The following SLC12A6 variants were observed in gnomAD, a reference collection of about 807,000 sequenced individuals.
SLC12A6 encodes K-Cl cotransporter 3.
Under a neutral mutation model 135.3 loss-of-function variants are expected in SLC12A6, and 66 were observed. The observed-to-expected ratio is 0.49, with a 90% CI of 0.40 to 0.60. The LOEUF is 0.60. Ranked by LOEUF, SLC12A6 falls within the 20% of genes least tolerant of loss-of-function variation. The pLI is 0.00. For synonymous variants in SLC12A6, 513 were observed against 508.8 expected, an observed-to-expected ratio of 1.01 and a Z score of -0.11; for missense variants, 1,058 against 1,452.3, an observed-to-expected ratio of 0.73 and a Z score of 4.41.
chr15:34,237,399 C>T lies in SLC12A6; in HGVS notation c.2934+20G>A. On this transcript the variant is annotated intron_variant, in intron 22 of 25. Coordinates refer to ENST00000354181, the MANE Select transcript of SLC12A6 (RefSeq NM_001365088.1). ...GAATGGGGGAATGAACCTCTTGTAT[C>T]TCAAACTCAGCTTTCTCACCATCTC... is the stretch of plus-strand genomic sequence containing the variant. The T allele has an allele frequency of 6.2e-7, 1 of 1,605,104 alleles. No individual in the cohort carries two copies. Among genetic ancestry groups the T allele is most frequent in the Non-Finnish European group, 8.5e-7 (1 of 1,174,046 alleles).
chr15:34,282,581 C>T lies in SLC12A6; in HGVS notation c.272-7192G>A, dbSNP rs146935729. 1.4e-3 allele frequency among the ~76,000 whole-genome samples: 210 copies of T among 152,116 alleles called. 1 individual carries two copies. Among genetic ancestry groups the T allele is most frequent in the Middle Eastern group, 3.4e-3 (1 of 294 alleles). On this transcript the variant is annotated intron_variant, in intron 2 of 25. Transcript: ENST00000354181. Reference sequence around the variant, plus strand: ...CAGCCTGGGCAACATAGCAAGACCCCATCTCTTAAAAAAGAAATAAAATTA... The same window carrying T: ...CAGCCTGGGCAACATAGCAAGACCCTATCTCTTAAAAAAGAAATAAAATTA...
Position 34,255,306 on chromosome 15 carries a change from A to G in SLC12A6, c.832T>C (p.Phe278Leu). ...VGLCFYLGTT[F>L]AAAMYILGAI... ...CCAAGGATGTACATGGCTGCTGCAA[A>G]TGTGGTACCAAGATAAAAGCAGAGG... Residue 278 changes from phenylalanine to leucine, a missense_variant, in exon 8 of 26, where the codon TTT becomes CTT. Phe to Leu is a conservative substitution (Grantham distance 22). Transcript: ENST00000354181. The G allele has an allele frequency of 3.7e-6, 6 of 1,611,040 alleles. No homozygotes were observed. Among genetic ancestry groups the G allele is most frequent in the Non-Finnish European group, 5.1e-6 (6 of 1,177,144 alleles).
intron 4 of SLC12A6, 26 bp from the exon 5 acceptor site, chr15:34,258,970 A>G (rs1374264805): frequency 1.3e-6 from 2 of 1,588,078 alleles, no homozygotes; most frequent in South Asian, 2.2e-5. Flanking sequence ...CATGGAAGAA[A>G]TGAGCTACAA....
At chr15:34,278,533 C>A (rs1206867149) in intron 2 of SLC12A6, among the ~76,000 whole-genome samples, 2 of 152,180 alleles carry the variant, frequency 1.3e-5, no homozygotes, top group Non-Finnish European at 2.9e-5. Flanking sequence ...CAGGAGTCTT[C>A]CTTTGAACAC....
intron 2 of SLC12A6, among the ~76,000 whole-genome samples, chr15:34,326,752 C>T (rs1386308158): frequency 6.8e-6 from 1 of 148,094 alleles, no homozygotes; most frequent in Non-Finnish European, 1.5e-5. Context: ...AGTGCAGTGG[C>T]ATGATCATGG....
At chr15:34,261,883 GAAATGCTT>G (rs1566822121) in intron 3 of SLC12A6, among the ~76,000 whole-genome samples, 1 of 152,194 alleles carries the variant, frequency 6.6e-6, no homozygotes, top group Non-Finnish European at 1.5e-5. Flanking sequence ...TGGAGAAAAA[GAAATGCTT>G]ATACACTGCT....
intron 2 of SLC12A6, among the ~76,000 whole-genome samples, chr15:34,323,890 C>G (rs1889287512): frequency 6.6e-6 from 1 of 150,948 alleles, no homozygotes; most frequent in South Asian, 2.1e-4. Flanking sequence ...GCAATGAGCC[C>G]TAATTGTGCC....
chr15:34,320,671 C>T (rs145812482), intron 2 of SLC12A6, among the ~76,000 whole-genome samples: 3 of 149,938 alleles, frequency 2.0e-5, no homozygotes, highest in Non-Finnish European at 4.4e-5. Context: ...AATCCCAGCA[C>T]TTTGGGAGGC....
Position 34,326,909 on chromosome 15 carries a change from T to C in SLC12A6, c.271+9501A>G, listed in dbSNP as rs1442255958. Among the ~76,000 whole-genome samples the C allele has an allele frequency of 2.7e-5, 4 of 148,222 alleles. No individual in the cohort carries two copies. The East Asian group carries it at 7.9e-4, about 29-fold the overall frequency. The stretch of plus-strand genomic sequence containing the variant: ...TTTGTAGAGATGAGGTTTCACTATG[T>C]TGCCCAGGCTAGCAATTATGTCTTA... On this transcript the variant is annotated intron_variant, in intron 2 of 25. Transcript: ENST00000354181.
At chr15:34,319,955 C>A (rs893080203) in intron 2 of SLC12A6, among the ~76,000 whole-genome samples, 1 of 151,560 alleles carries the variant, frequency 6.6e-6, no homozygotes, top group Admixed American at 6.6e-5. Flanking sequence ...AAATAACATA[C>A]TTAATTCTTG....
intron 2 of SLC12A6, among the ~76,000 whole-genome samples, chr15:34,313,600 A>C (rs991407862): frequency 1.3e-5 from 2 of 152,220 alleles, no homozygotes; most frequent in Non-Finnish European, 2.9e-5. Context: ...ATCAATGATG[A>C]AGGTGGCTTC....
rs753271582 is a variant in SLC12A6 at position 34,240,774 on chromosome 15, G to A, written c.2323C>T (p.Arg775Cys). Reference sequence around the variant, plus strand: ...AGCTGTGAGGCAAAGGTGAGGAGGCGAGGATGCTTGACATGTAAGTCTTCA... The same window carrying A: ...AGCTGTGAGGCAAAGGTGAGGAGGCAAGGATGCTTGACATGTAAGTCTTCA... ...LDEDLHVKHP[R>C]LLTFASQLKA... The change falls in exon 19 of 26, where the codon CGC becomes TGC. Residue 775 changes from arginine to cysteine, a missense_variant. Coordinates refer to ENST00000354181, the MANE Select transcript of SLC12A6 (RefSeq NM_001365088.1). The A allele has an allele frequency of 1.8e-5, 29 of 1,613,854 alleles. No homozygotes were observed. The highest frequency in any genetic ancestry group is 1.6e-4 in the Middle Eastern group (1 of 6,082).
intron 2 of SLC12A6, among the ~76,000 whole-genome samples, chr15:34,333,749 A>G (rs1890017410): frequency 6.6e-6 from 1 of 152,210 alleles, no homozygotes; most frequent in Non-Finnish European, 1.5e-5. Context: ...AGCAGAAAAA[A>G]TTAAAATATA....
intron 2 of SLC12A6, among the ~76,000 whole-genome samples, chr15:34,297,659 T>C (rs1424110384): frequency 6.6e-6 from 1 of 152,070 alleles, no homozygotes; most frequent in Non-Finnish European, 1.5e-5. Flanking sequence ...CAGTGTGAAC[T>C]TGAAGGAGGA....
rs776094922 is a variant in SLC12A6, at chr15:34,336,547, A to C, written c.134T>G (p.Phe45Cys). Residue 45 changes from phenylalanine to cysteine, a missense_variant, in exon 2 of 26, where the codon TTT becomes TGT. Physicochemically the swap from Phe to Cys is radical, Grantham distance 205. Transcript: ENST00000354181. The part of the protein sequence containing the change: ...LSSRSSSRVR[F>C]SSRESVPETS... ...TTCAGGCACGCTTTCCCGGGAGCTA[A>C]ATCTTACTCGGGAACTAGATCGAGA... The C allele has an allele frequency of 6.2e-7, 1 of 1,613,974 alleles. No homozygotes were observed. Among genetic ancestry groups the C allele is most frequent in the Non-Finnish European group, 8.5e-7 (1 of 1,179,940 alleles).
chr15:34,337,986 A>C (rs1334777748), upstream of SLC12A6: 1 of 151,820 alleles, frequency 6.6e-6, no homozygotes, highest in African/African-American at 2.4e-5. Context: ...CCGGGGGTGC[A>C]GTGAGAGGGC....
intron 2 of SLC12A6, among the ~76,000 whole-genome samples, chr15:34,283,375 AT>A (rs1894813432): frequency 2.5e-5 from 3 of 122,396 alleles, no homozygotes; most frequent in African/African-American, 1.5e-4. Flanking sequence ...AGAAAAGATA[AT>A]TAATAAGATA....
intron 2 of SLC12A6, among the ~76,000 whole-genome samples, chr15:34,332,168 A>T (rs957055072): frequency 6.6e-6 from 1 of 152,214 alleles, no homozygotes; most frequent in Non-Finnish European, 1.5e-5. Flanking sequence ...ATACAGCATT[A>T]TAATTTATAT....
chr15:34,328,774 T>G (rs938850338), intron 2 of SLC12A6, among the ~76,000 whole-genome samples: 3 of 152,118 alleles, frequency 2.0e-5, no homozygotes, highest in Non-Finnish European at 4.4e-5. Flanking sequence ...TCCCAGCTAC[T>G]CAGGAGGCTG....
Sources: gnomAD v4.1 joint callset for allele counts (sites outside exome capture counted in the v4.1 genomes callset) on GRCh38, gnomAD v4.1.1 for gene constraint, MANE v1.5 for transcripts, NCBI Gene and HGNC (gene_info 2026-07-23, HGNC 2026-07-21) for gene names.